Variants in PRICKLE2 observed in about 807,000 individuals in gnomAD.
PRICKLE2 encodes the protein prickle-like protein 2.
A neutral mutation model predicts 81.4 loss-of-function variants in PRICKLE2; 21 were observed. The ratio of observed to expected loss-of-function variants is 0.26; its 90% CI spans 0.18 to 0.37. The LOEUF (loss-of-function observed/expected upper bound fraction) is 0.37. Among genes scored for constraint, PRICKLE2 ranks in the 10% least tolerant of loss-of-function variants. PRICKLE2 has a pLI of 1.00. For synonymous variants in PRICKLE2, 456 were observed against 421.5 expected (o/e 1.08, Z -1.00); for missense variants, 940 against 1,109.0 (o/e 0.85, Z 2.16).
Position 64,099,262 on chromosome 3 carries a change from C to G in PRICKLE2, c.2324G>C (p.Cys775Ser). Residue 775 changes from cysteine (C) to serine (S), a missense_variant, in exon 8 of 8, where the codon TGT becomes TCT. Cys to Ser is a moderately radical substitution (Grantham distance 112). Coordinates refer to ENST00000638394, the MANE Select transcript of PRICKLE2 (RefSeq NM_198859.4). This position sits in a 1 kb window ranked among gnomAD's most constrained non-coding sequence, Gnocchi z 4.3. ...CTCTGAAGAGGAGGAGCAGGTGGAA[C>G]ACCAATCATACTCGGCGAAGTAGGG... ...WGPYFAEYDW[C>S]STCSSSSESD... 1 of 1,614,184 alleles carries G rather than the reference C, an allele frequency of 6.2e-7. No homozygotes were observed. Among genetic ancestry groups the G allele is most frequent in the Non-Finnish European group, 8.5e-7 (1 of 1,180,032 alleles).
At position 64,153,182 on chromosome 3, in the gene PRICKLE2, C is replaced by A; in HGVS notation, c.787G>T (p.Gly263Cys). The change falls in exon 6 of 8, where the codon GGT becomes TGT. Residue 263 changes from glycine (G) to cysteine (C), a missense_variant and splice_region_variant. By Grantham distance (159) the Gly-to-Cys change is radical (BLOSUM62 -3). Transcript: ENST00000638394. The stretch of plus-strand genomic sequence containing the variant: ...AGCTGACTGCCAAATATTGCCTCAC[C>A]TATATGTTGGGCACAGGTGTCACAA... ...EYCDTCAQHI[G>C]IDQGQMTYDG... 6.2e-7 allele frequency: 1 copy of A among 1,614,090 alleles called. No individual in the cohort carries two copies. Among genetic ancestry groups the A allele is most frequent in the East Asian group, 2.2e-5 (1 of 44,880 alleles).
At chr3:64,190,545 T>C (rs2078314602) in intron 2 of PRICKLE2, among the ~76,000 whole-genome samples, 2 of 152,206 alleles carry the variant, frequency 1.3e-5, no homozygotes, top group Admixed American at 1.3e-4. Context: ...GCCTGACACA[T>C]AGTAGGTATA....
chr3:64,121,331 T>C (rs1261688460), intron 7 of PRICKLE2, among the ~76,000 whole-genome samples: 1 of 152,172 alleles, frequency 6.6e-6, no homozygotes, highest in Non-Finnish European at 1.5e-5. Flanking sequence ...GTAGGAATTT[T>C]CAGAAAGAAG....
chr3:64,242,471 C>G (rs1331920082), intron 2 of PRICKLE2, among the ~76,000 whole-genome samples: 1 of 152,244 alleles, frequency 6.6e-6, no homozygotes, highest in East Asian at 1.9e-4. Flanking sequence ...ATACATAAAT[C>G]TTCAGCTTAT....
At chr3:64,104,547 G>A (rs2076724064) in intron 7 of PRICKLE2, 2 of 152,234 alleles carry the variant, frequency 1.3e-5, no homozygotes, top group Non-Finnish European at 2.9e-5. Context: ...ATTTCCGTGA[G>A]GAGGTGACCT....
At chr3:64,177,244 T>C (rs1272141380) in intron 2 of PRICKLE2, among the ~76,000 whole-genome samples, 2 of 149,856 alleles carry the variant, frequency 1.3e-5, no homozygotes, top group African/African-American at 4.9e-5. Context: ...CAAGTGATTC[T>C]CCTGCCTCAG....
In PRICKLE2 at chr3:64,224,814, C is replaced by T. The variant is rs962024501; in HGVS notation, c.-41+96G>A. The T allele has an allele frequency of 3.3e-5, 23 of 698,130 alleles. No individual in the cohort carries two copies. In the African/African-American group the frequency reaches 4.1e-4, roughly 12 times the overall value. 43.2% of individuals were successfully genotyped at this position (698,130 alleles called of 1,614,324 possible). On this transcript the variant is annotated intron_variant, in intron 1 of 7. Coordinates refer to ENST00000638394, the MANE Select transcript of PRICKLE2 (RefSeq NM_198859.4). ...GCCAAGAAAACGAAGACCCAATATC[C>T]TCCCCCAGTGCAAAGGCCCTAGATC...
chr3:64,212,836 T>C (rs2078810155), intron 1 of PRICKLE2, among the ~76,000 whole-genome samples: 1 of 152,212 alleles, frequency 6.6e-6, no homozygotes, highest in Non-Finnish European at 1.5e-5. Context: ...TTTAGGGTTC[T>C]TGTTCTCTAG....
intron 2 of PRICKLE2, among the ~76,000 whole-genome samples, chr3:64,250,468 T>A (rs868451432): frequency 6.6e-6 from 1 of 151,838 alleles, no homozygotes; most frequent in Non-Finnish European, 1.5e-5. Context: ...AGCATGGGGG[T>A]GGGCATACAA....
At chr3:64,211,699 TA>T (rs1183075594) in intron 1 of PRICKLE2, among the ~76,000 whole-genome samples, 1 of 152,226 alleles carries the variant, frequency 6.6e-6, no homozygotes, top group Non-Finnish European at 1.5e-5. Flanking sequence ...TAAAAAGTTT[TA>T]AAACAAAGAA....
rs137880019 is a variant in PRICKLE2, at chr3:64,159,840, C to T, written c.396+100G>A. ...CCGTCTTTTGTTCACTACTGTATCT[C>T]AGGCACATAGTAGGCACTCAGTAAA... On this transcript the variant is annotated intron_variant, in intron 4 of 7. Coordinates refer to ENST00000638394, the MANE Select transcript of PRICKLE2 (RefSeq NM_198859.4). 658 of 1,476,930 alleles carry T rather than the reference C, an allele frequency of 4.5e-4. 1 individual carries two copies. Among genetic ancestry groups the T allele is most frequent in the Non-Finnish European group, 5.8e-4 (609 of 1,056,522 alleles). The allele number at this position is 1,476,930 out of a possible 1,614,324, so 91.5% of individuals were successfully genotyped here. A position where few individuals can be genotyped will look rare whatever the true frequency, so the allele number is the denominator to read the frequency against.
intron 3 of PRICKLE2, among the ~76,000 whole-genome samples, chr3:64,162,313 T>C (rs2077748364): frequency 6.6e-6 from 1 of 152,202 alleles, no homozygotes. Context: ...AATGAATTTC[T>C]AGCATGTAAA....
chr3:64,256,869 C>T (rs975926320), intron 2 of PRICKLE2, among the ~76,000 whole-genome samples: 2 of 152,260 alleles, frequency 1.3e-5, no homozygotes, highest in Middle Eastern at 6.8e-3. Context: ...GTCACATATG[C>T]ATTTTTAAGG....
chr3:64,106,579 T>C (rs1463178008), intron 7 of PRICKLE2, among the ~76,000 whole-genome samples: 1 of 152,238 alleles, frequency 6.6e-6, no homozygotes, highest in Non-Finnish European at 1.5e-5. Flanking sequence ...CTCCAAACCG[T>C]GGCTGGGATT....
At chr3:64,187,229 T>C (rs2078250891) in intron 2 of PRICKLE2, among the ~76,000 whole-genome samples, 1 of 152,220 alleles carries the variant, frequency 6.6e-6, no homozygotes, top group East Asian at 1.9e-4. Context: ...AACAAGTTTA[T>C]TAACAGGCAG....
upstream of PRICKLE2, among the ~76,000 whole-genome samples, chr3:64,226,187 G>A (rs1278446716): frequency 6.6e-6 from 1 of 152,144 alleles, no homozygotes; most frequent in African/African-American, 2.4e-5. Context: ...GACAACTGGA[G>A]AAAGGACTTT....
At chr3:64,158,488 A>G (rs1330326185) in intron 4 of PRICKLE2, among the ~76,000 whole-genome samples, 1 of 152,234 alleles carries the variant, frequency 6.6e-6, no homozygotes, top group Non-Finnish European at 1.5e-5. Flanking sequence ...AACCAAGGAA[A>G]AGTAACACGG....
chr3:64,160,534 C>A (rs2077715601), intron 3 of PRICKLE2, among the ~76,000 whole-genome samples: 1 of 152,154 alleles, frequency 6.6e-6, no homozygotes, highest in East Asian at 1.9e-4. Flanking sequence ...GAGCAGGTGT[C>A]CACGTGCTCA....
chr3:64,198,748 C>T lies in PRICKLE2; in HGVS notation c.144+36G>A, dbSNP rs2078510532. On this transcript the variant is annotated intron_variant, in intron 2 of 7. Coordinates refer to ENST00000638394, the MANE Select transcript of PRICKLE2 (RefSeq NM_198859.4). ...AGGACCAGTAAGGCAAAGTGAAACA[C>T]CCAAACCACCAGCATGCTCCCATCC... The T allele has an allele frequency of 5.6e-6, 9 of 1,610,480 alleles. No individual in the cohort carries two copies. In the East Asian group the frequency reaches 1.8e-4, roughly 32 times the overall value.
Sources: gnomAD v4.1 joint callset for allele counts (sites outside exome capture counted in the v4.1 genomes callset) on GRCh38, gnomAD v4.1.1 for gene constraint, Gnocchi (gnomAD v3.1) non-coding constraint, MANE v1.5 for transcripts, NCBI Gene and HGNC (gene_info 2026-07-23, HGNC 2026-07-21) for gene names.